Variants in SPTA1 observed in about 807,000 individuals in gnomAD.
SPTA1 encodes spectrin alpha chain, erythrocytic 1.
SPTA1 carries 177 observed loss-of-function variants against 324.7 expected under a neutral mutation model. The ratio of observed to expected loss-of-function variants is 0.55; its 90% CI spans 0.48 to 0.62. The LOEUF is 0.62. SPTA1 is among the 20% of genes least tolerant of loss of function. The probability of loss-of-function intolerance (pLI) is 0.00; values close to 1 mark genes in which losing one functional copy is unlikely to be tolerated. For missense variants in SPTA1, 3,162 were observed against 2,883.6 expected (o/e 1.10, Z -2.21); for synonymous variants, 1,195 against 1,041.3 (o/e 1.15, Z -2.84).
rs1378445283 is a variant in SPTA1, at chr1:158,661,345, G to A, written c.2529C>T (p.Ala843=). The A allele has an allele frequency of 1.2e-6, 2 of 1,613,884 alleles. No homozygotes were observed. Among genetic ancestry groups the A allele is most frequent in the Admixed American group, 1.7e-5 (1 of 60,006 alleles). The change falls in exon 18 of 52, where the codon GCC becomes GCT. Residue 843 remains alanine (A), a synonymous_variant. Transcript: ENST00000643759. Reference sequence around the variant, plus strand: ...TCTCTTGAATGCGTGGTTCATGGCTGGCAATGTTCTCCAGGATGACTCTAT... The same window carrying A: ...TCTCTTGAATGCGTGGTTCATGGCTAGCAATGTTCTCCAGGATGACTCTAT... The part of the protein sequence containing the change: ...NRHRVILENI[A]SHEPRIQEIT...
In SPTA1 at chr1:158,610,969, G is replaced by A. The variant is rs12601; in HGVS notation, c.*295C>T. ...CGGAATAAAGCAAAATGATAAAGACGTGCAAAACAGAACAAATAAAAATAG... is the reference window on the plus strand; with the variant it reads ...CGGAATAAAGCAAAATGATAAAGACATGCAAAACAGAACAAATAAAAATAG... On this transcript the variant is annotated 3_prime_UTR_variant, in exon 52 of 52. Transcript: ENST00000643759. 163,508 of 309,906 alleles carry A rather than the reference G, an allele frequency of 0.53. 44,059 individuals are homozygous for A. The highest frequency in any genetic ancestry group is 0.61 in the East Asian group (9,116 of 15,032). 19.2% of individuals were successfully genotyped at this position (309,906 alleles called of 1,614,324 possible). A position where few individuals can be genotyped will look rare whatever the true frequency, so the allele number is the denominator to read the frequency against.
At chr1:158,672,252 A>G (rs1037976249) in intron 10 of SPTA1, 56 bp from the exon 11 acceptor site, 3 of 1,521,072 alleles carry the variant, frequency 2.0e-6, no homozygotes, top group Admixed American at 3.9e-5. Context: ...TTTATTCTAT[A>G]TTTATTGAGC....
At chr1:158,642,657 A>T (rs779660486) in intron 32 of SPTA1, 115 bp from the exon 33 acceptor site, 6 of 1,569,290 alleles carry the variant, frequency 3.8e-6, no homozygotes, top group African/African-American at 1.4e-5. Context: ...GGTGACGGTG[A>T]CTTCTGAAGA....
chr1:158,684,324 A>T (rs1395970724), intron 2 of SPTA1, among the ~76,000 whole-genome samples: 1 of 152,108 alleles, frequency 6.6e-6, no homozygotes, highest in Non-Finnish European at 1.5e-5. Context: ...TAACCTGGTT[A>T]ACTCTTATAT....
intron 16 of SPTA1, 45 bp downstream of exon 16, chr1:158,666,271 A>T: frequency 6.2e-7 from 1 of 1,604,674 alleles, no homozygotes; most frequent in Non-Finnish European, 8.5e-7. Context: ...TGCTCAGAGC[A>T]TATACACCCA....
At chr1:158,665,240 C>A (rs1323643470) in intron 16 of SPTA1, among the ~76,000 whole-genome samples, 2 of 152,138 alleles carry the variant, frequency 1.3e-5, no homozygotes, top group East Asian at 1.9e-4. Context: ...TCCTTTGAAA[C>A]TCTGTTCTCC....
chr1:158,677,922 C>A, intron 6 of SPTA1, 88 bp from the exon 7 acceptor site: 1 of 1,530,044 alleles, frequency 6.5e-7, no homozygotes, highest in Non-Finnish European at 9.0e-7. Flanking sequence ...AAGGACCATC[C>A]TAGTTGACCC....
intron 27 of SPTA1, among the ~76,000 whole-genome samples, chr1:158,646,694 T>G (rs573090962): frequency 6.6e-6 from 1 of 152,242 alleles, no homozygotes; most frequent in East Asian, 1.9e-4. Context: ...TTAAACTGTG[T>G]CAAAAACTAT....
Position 158,627,014 on chromosome 1 carries a change from G to A in SPTA1, c.5665-7C>T. ...GACTTTCCTCCTGCAACACCTGTGAGAAGGGGAGAGACAAATATATTTATA... is the reference window on the plus strand; with the variant it reads ...GACTTTCCTCCTGCAACACCTGTGAAAAGGGGAGAGACAAATATATTTATA... On this transcript the variant is annotated splice_region_variant and splice_polypyrimidine_tract_variant and intron_variant, in intron 40 of 51. Transcript: ENST00000643759. 6.2e-7 allele frequency: 1 copy of A among 1,613,594 alleles called. No individual in the cohort carries two copies. Among genetic ancestry groups the A allele is most frequent in the South Asian group, 1.1e-5 (1 of 91,076 alleles).
At chr1:158,639,545 A>T (rs762424344) in intron 35 of SPTA1, 37 bp downstream of exon 35, 11 of 1,599,096 alleles carry the variant, frequency 6.9e-6, no homozygotes, top group Non-Finnish European at 6.0e-6. Context: ...AAATATTTCT[A>T]TTCTGCCCAG....
At chr1:158,638,397 C>T (rs917280154) in intron 35 of SPTA1, among the ~76,000 whole-genome samples, 156 bp from the exon 36 acceptor site, 1 of 152,156 alleles carries the variant, frequency 6.6e-6, no homozygotes, top group Non-Finnish European at 1.5e-5. Flanking sequence ...AGCATATGTT[C>T]AGGTTGGAGA....
At position 158,674,186 on chromosome 1, in the gene SPTA1, C is replaced by A. The variant is rs1010794460; in HGVS notation, c.1350+143G>T. ...AGTGATAACTGTATATGAAAGGAAG[C>A]AGTGTAAAAGTTTGATTCATATTAT... On this transcript the variant is annotated intron_variant, in intron 10 of 51. Coordinates refer to ENST00000643759, the MANE Select transcript of SPTA1 (RefSeq NM_003126.4). 1.3e-5 allele frequency: 12 copies of A among 898,076 alleles called. No individual in the cohort carries two copies. The African/African-American group carries it at 2.0e-4, about 15-fold the overall frequency. 55.6% of individuals were successfully genotyped at this position (898,076 alleles called of 1,614,324 possible).
At position 158,611,131 on chromosome 1, in the gene SPTA1, GC is replaced by G; in HGVS notation, c.*132del. ...AAATGTAATATGCACACAAACACAA[GC>G]ACACACACACACACACACACACACA... On this transcript the variant is annotated 3_prime_UTR_variant, in exon 52 of 52. Coordinates refer to ENST00000643759, the MANE Select transcript of SPTA1 (RefSeq NM_003126.4). The G allele has an allele frequency of 1.5e-6, 1 of 670,346 alleles. No homozygotes were observed. Among genetic ancestry groups the G allele is most frequent in the Admixed American group, 2.3e-5 (1 of 43,668 alleles). 41.5% of individuals were successfully genotyped at this position (670,346 alleles called of 1,614,324 possible).
chr1:158,629,046 G>A (rs1240048808), intron 39 of SPTA1, among the ~76,000 whole-genome samples: 1 of 151,874 alleles, frequency 6.6e-6, no homozygotes, highest in Non-Finnish European at 1.5e-5. Flanking sequence ...AAATTTAAGA[G>A]GAGGGAACAT....
In SPTA1 at chr1:158,615,300, G is replaced by A. The variant is rs1270882445; in HGVS notation, c.6704C>T (p.Thr2235Ile). Residue 2235 changes from threonine to isoleucine, a missense_variant, in exon 48 of 52, where the codon ACC becomes ATC. Transcript: ENST00000643759. ...GTCCCACTGCTGAGCCAATCCAATG[G>A]TGCTGTATTTGATATCAAGGATCAG... ...DALILDIKYSTIGLAQQWDQL... is the reference protein window; with the variant it reads ...DALILDIKYSIIGLAQQWDQL... 6.2e-6 allele frequency: 10 copies of A among 1,613,934 alleles called. No homozygotes were observed. Among genetic ancestry groups the A allele is most frequent in the Non-Finnish European group, 8.5e-6 (10 of 1,180,032 alleles).
In SPTA1 at chr1:158,663,428, G is replaced by T. The variant is rs1653384521; in HGVS notation, c.2221-483C>A. Among the ~76,000 whole-genome samples the T allele has an allele frequency of 1.3e-5, 2 of 152,156 alleles. 1 individual carries two copies. The highest frequency in any genetic ancestry group is 4.1e-4 in the South Asian group (2 of 4,822). On this transcript the variant is annotated intron_variant, in intron 16 of 51. Transcript: ENST00000643759. ...ATGAAACGTGATGTTATAAAAAATT[G>T]TCAGAAGCTCAGAAAGATAAATTTA...
intron 42 of SPTA1, 88 bp downstream of exon 42, chr1:158,626,058 A>T: frequency 8.0e-7 from 1 of 1,252,128 alleles, no homozygotes; most frequent in Non-Finnish European, 1.2e-6. Context: ...CAGACAATAA[A>T]ATCCCAAAAT....
chr1:158,654,839 AG>A (rs1398219434), intron 20 of SPTA1, 91 bp from the exon 21 acceptor site: 9 of 1,568,724 alleles, frequency 5.7e-6, no homozygotes, highest in African/African-American at 2.7e-5. Context: ...TAGGCTTCCC[AG>A]GAGAAAAGAG....
rs73018210 is a variant in SPTA1, at chr1:158,628,316, C to T, written c.5566-593G>A. 5.5e-3 allele frequency among the ~76,000 whole-genome samples: 843 copies of T among 152,232 alleles called. 5 individuals are homozygous for T. The highest frequency in any genetic ancestry group is 0.019 in the African/African-American group (802 of 41,556). On this transcript the variant is annotated intron_variant, in intron 39 of 51. Transcript: ENST00000643759. ...CTATAAAAGCCCATAATCACCACCACCATGACCACCCACCACTGCCACTGC... is the reference window on the plus strand; with the variant it reads ...CTATAAAAGCCCATAATCACCACCATCATGACCACCCACCACTGCCACTGC...
Sources: gnomAD v4.1 joint callset for allele counts (sites outside exome capture counted in the v4.1 genomes callset) on GRCh38, gnomAD v4.1.1 for gene constraint, MANE v1.5 for transcripts, NCBI Gene and HGNC (gene_info 2026-07-23, HGNC 2026-07-21) for gene names.